FBP1: variants seen among roughly 807,000 people sequenced by gnomAD.
FBP1 encodes the protein fructose-1,6-bisphosphatase 1.
Under a neutral mutation model 29.9 loss-of-function variants are expected in FBP1, and 22 were observed. The ratio of observed to expected loss-of-function variants is 0.74; its 90% CI spans 0.53 to 1.05. The LOEUF (loss-of-function observed/expected upper bound fraction) is 1.05, where lower values mean the gene tolerates loss of function less well. FBP1 is among the 50% of genes least tolerant of loss of function. FBP1 has a pLI of 0.00. For missense variants in FBP1, 345 were observed against 448.2 expected, an observed-to-expected ratio of 0.77 and a Z score of 2.08; for synonymous variants, 175 against 178.6, an observed-to-expected ratio of 0.98 and a Z score of 0.16.
chr9:94,635,549 C>T (rs1412330142), intron 1 of FBP1, among the ~76,000 whole-genome samples: 1 of 152,210 alleles, frequency 6.6e-6, no homozygotes. Flanking sequence ...AAGATCTTTG[C>T]AGGAATGCTG....
chr9:94,612,354 G>A (rs150901068), intron 3 of FBP1, among the ~76,000 whole-genome samples: 34 of 152,150 alleles, frequency 2.2e-4, no homozygotes, highest in Non-Finnish European at 4.3e-4. Flanking sequence ...CATCCGTGCC[G>A]GCCTGTGGCA....
intron 3 of FBP1, among the ~76,000 whole-genome samples, chr9:94,614,274 C>G (rs1032494446): frequency 1.3e-5 from 2 of 151,336 alleles, no homozygotes; most frequent in Non-Finnish European, 3.0e-5. Context: ...GGCGCGGTGG[C>G]TCACGCCTGT....
intron 6 of FBP1, chr9:94,603,934 G>A: frequency 2.9e-6 from 1 of 347,644 alleles, no homozygotes; most frequent in East Asian, 7.3e-5. Context: ...TGTGTTGGAT[G>A]GAGCTTCGCC....
intron 3 of FBP1, among the ~76,000 whole-genome samples, chr9:94,610,804 G>GA (rs1225965978): frequency 3.9e-5 from 6 of 152,114 alleles, no homozygotes; most frequent in African/African-American, 4.8e-5. Flanking sequence ...TAACACTAGG[G>GA]AAGGGAGCCC....
chr9:94,612,657 A>G (rs1215698000), intron 3 of FBP1, among the ~76,000 whole-genome samples: 1 of 150,784 alleles, frequency 6.6e-6, no homozygotes, highest in Non-Finnish European at 1.5e-5. Context: ...CTTGGGTTCA[A>G]GTGATTCTCC....
At chr9:94,635,791 G>A (rs1828183652) in intron 1 of FBP1, among the ~76,000 whole-genome samples, 1 of 152,182 alleles carries the variant, frequency 6.6e-6, no homozygotes, top group African/African-American at 2.4e-5. Flanking sequence ...AAAAACCAAA[G>A]TGCCCCAAAA....
intron 3 of FBP1, among the ~76,000 whole-genome samples, chr9:94,614,336 C>T (rs1349911991): frequency 1.3e-5 from 2 of 150,936 alleles, no homozygotes; most frequent in Non-Finnish European, 3.0e-5. Context: ...GTCAGGAGAT[C>T]GAGACCATCC....
chr9:94,626,570 G>T (rs1036221146), intron 1 of FBP1, among the ~76,000 whole-genome samples: 1 of 152,132 alleles, frequency 6.6e-6, no homozygotes, highest in Non-Finnish European at 1.5e-5. Context: ...ACACCTCGGG[G>T]ACCCTAAGAA....
At chr9:94,637,263 A>C (rs1252170109) in intron 1 of FBP1, among the ~76,000 whole-genome samples, 1 of 152,314 alleles carries the variant, frequency 6.6e-6, no homozygotes, top group South Asian at 2.1e-4. Context: ...GACCAAAGCC[A>C]GACAGCCTGC....
intron 1 of FBP1, among the ~76,000 whole-genome samples, chr9:94,633,616 G>A (rs966765136): frequency 2.0e-5 from 3 of 152,092 alleles, no homozygotes; most frequent in Non-Finnish European, 4.4e-5. Context: ...CGGTCCAGCC[G>A]CCGGGCCTTT....
At chr9:94,606,713 C>G in intron 5 of FBP1, 102 bp downstream of exon 5, 1 of 1,241,814 alleles carries the variant, frequency 8.1e-7, no homozygotes, top group Non-Finnish European at 1.2e-6. Context: ...GGCCCTCGAT[C>G]CCAAGGATCC....
chr9:94,607,761 G>A (rs1827722691), intron 4 of FBP1, among the ~76,000 whole-genome samples: 1 of 151,774 alleles, frequency 6.6e-6, no homozygotes, highest in Non-Finnish European at 1.5e-5. Context: ...TGACACAAGA[G>A]TTGAAAAGAA....
Position 94,609,958 on chromosome 9 carries a change from G to A in FBP1, c.530C>T (p.Ala177Val), listed in dbSNP as rs121918189. 4 of 1,614,208 alleles carry A rather than the reference G, an allele frequency of 2.5e-6. No homozygotes were observed. The highest frequency in any genetic ancestry group is 3.4e-6 in the Non-Finnish European group (4 of 1,180,040). The change falls in exon 4 of 7, where the codon GCC becomes GTC. Residue 177 changes from alanine to valine, a missense_variant. By Grantham distance (64) the Ala-to-Val change is moderately conservative (BLOSUM62 0). Coordinates refer to ENST00000375326, the MANE Select transcript of FBP1 (RefSeq NM_000507.4). ...GAAGCAGTTGACCCCACAGTCCATG[G>A]CAAGGACCAGCATGGTGGCACTGCC... ...LYGSATMLVL[A>V]MDCGVNCFML... is the part of the protein sequence containing the mutation.
chr9:94,627,946 C>T (rs1271420814), intron 1 of FBP1, among the ~76,000 whole-genome samples: 1 of 152,242 alleles, frequency 6.6e-6, no homozygotes, highest in African/African-American at 2.4e-5. Context: ...CCTTCCCCTA[C>T]CTCCCTCCCC....
chr9:94,619,951 A>G (rs1475612208), intron 2 of FBP1, among the ~76,000 whole-genome samples: 2 of 151,016 alleles, frequency 1.3e-5, no homozygotes, highest in Non-Finnish European at 2.9e-5. Context: ...TCAGGGATGG[A>G]AGTTTCAAGC....
chr9:94,606,753 C>G, intron 5 of FBP1, 62 bp downstream of exon 5: 1 of 1,556,880 alleles, frequency 6.4e-7, no homozygotes, highest in Middle Eastern at 2.2e-4. Context: ...CCCCTGCCTC[C>G]AGAACGGCCT....
At chr9:94,627,536 C>T (rs112663762) in intron 1 of FBP1, among the ~76,000 whole-genome samples, 30 of 152,012 alleles carry the variant, frequency 2.0e-4, no homozygotes, top group African/African-American at 6.8e-4. Flanking sequence ...GGTGAGACAG[C>T]CCTGAGCCCT....
intron 1 of FBP1, among the ~76,000 whole-genome samples, chr9:94,632,520 T>C (rs1052321481): frequency 7.9e-5 from 12 of 151,690 alleles, no homozygotes; most frequent in Admixed American, 7.2e-4. Context: ...ATACAAAAAT[T>C]AGTTGAGTGT....
chr9:94,633,046 G>A (rs746446692), intron 1 of FBP1, among the ~76,000 whole-genome samples: 26 of 152,308 alleles, frequency 1.7e-4, no homozygotes, highest in Non-Finnish European at 1.8e-4. Flanking sequence ...CAAGTTCAGC[G>A]TTTCCAAAAT....
Sources: allele counts gnomAD v4.1 joint callset (sites outside exome capture counted in the v4.1 genomes callset), GRCh38; gene constraint gnomAD v4.1.1; transcripts MANE v1.5; gene names NCBI Gene and HGNC (gene_info 2026-07-23, HGNC 2026-07-21).